The following ZNF366 variants were observed in gnomAD, a reference collection of about 807,000 sequenced individuals.
The protein encoded by ZNF366 is zinc finger protein 366, also known as dendritic cell-specific transcript protein.
In ZNF366, 20 loss-of-function variants were observed where a neutral mutation model predicts 47.2. The ratio of observed to expected loss-of-function variants is 0.42; its 90% confidence interval spans 0.30 to 0.62. The LOEUF (loss-of-function observed/expected upper bound fraction) is 0.62. Ranked by LOEUF, ZNF366 falls within the 20% of genes least tolerant of loss-of-function variation. ZNF366 has a pLI of 0.16. For synonymous variants in ZNF366, 421 were observed against 395.1 expected (o/e 1.07, Z -0.78); for missense variants, 987 against 976.3 (o/e 1.01, Z -0.15).
chr5:72,505,019 A>G (rs1199580659), intron 1 of ZNF366, among the ~76,000 whole-genome samples: 2 of 152,226 alleles, frequency 1.3e-5, no homozygotes, highest in Non-Finnish European at 2.9e-5. Flanking sequence ...ACATCCCAGC[A>G]CACAGATCTA....
intron 1 of ZNF366, among the ~76,000 whole-genome samples, chr5:72,481,742 A>G (rs983657048): frequency 6.6e-6 from 1 of 152,236 alleles, no homozygotes. Flanking sequence ...AATAAGAATA[A>G]GAAACAATTC....
chr5:72,471,072 T>A (rs1306831346), intron 1 of ZNF366, among the ~76,000 whole-genome samples: 2 of 152,322 alleles, frequency 1.3e-5, no homozygotes, highest in Admixed American at 1.3e-4. Context: ...GCAAATACAG[T>A]GTGTCCTGGG....
chr5:72,490,854 G>GT (rs1167414744), intron 1 of ZNF366, among the ~76,000 whole-genome samples: 1 of 152,202 alleles, frequency 6.6e-6, no homozygotes, highest in African/African-American at 2.4e-5. Flanking sequence ...GATAGTTGCT[G>GT]TAAGTAACAT....
chr5:72,450,059 TGCTGAA>T (rs1351926571), intron 3 of ZNF366, among the ~76,000 whole-genome samples: 1 of 152,220 alleles, frequency 6.6e-6, no homozygotes, highest in African/African-American at 2.4e-5. Context: ...TATCTGTGGT[TGCTGAA>T]GCCTTAGAAA....
Position 72,480,052 on chromosome 5 carries a change from A to T in ZNF366, c.-14-18542T>A, listed in dbSNP as rs554218048. On this transcript the variant is annotated intron_variant, in intron 1 of 4. Coordinates refer to ENST00000318442, the MANE Select transcript of ZNF366 (RefSeq NM_152625.3). ...GCATACACGGTCCAAGGCTCATCTA[A>T]GGCAGAATCATACATGAGAAAAATC... is the stretch of plus-strand genomic sequence containing the variant. Among the ~76,000 whole-genome samples, 7 of 152,378 alleles carry T rather than the reference A, an allele frequency of 4.6e-5. No individual in the cohort carries two copies. In the South Asian group the frequency reaches 1.4e-3, roughly 32 times the overall value.
At chr5:72,464,039 T>G (rs1207135105) in intron 1 of ZNF366, among the ~76,000 whole-genome samples, 2 of 152,156 alleles carry the variant, frequency 1.3e-5, no homozygotes, top group African/African-American at 2.4e-5. Context: ...AGACTACAAG[T>G]ACCTATGGCA....
intron 1 of ZNF366, among the ~76,000 whole-genome samples, chr5:72,465,213 T>G (rs1743405120): frequency 6.6e-6 from 1 of 152,206 alleles, no homozygotes; most frequent in East Asian, 1.9e-4. Flanking sequence ...GAACTAGATC[T>G]GATTTCCCCT....
intron 1 of ZNF366, among the ~76,000 whole-genome samples, chr5:72,483,781 G>C (rs1045244855): frequency 2.0e-5 from 3 of 152,164 alleles, no homozygotes; most frequent in Non-Finnish European, 4.4e-5. Flanking sequence ...TGATGGGAAT[G>C]ATGGGCCTGG....
At chr5:72,448,355 A>G (rs1448513986) in intron 3 of ZNF366, among the ~76,000 whole-genome samples, 2 of 152,178 alleles carry the variant, frequency 1.3e-5, no homozygotes, top group Non-Finnish European at 2.9e-5. Context: ...TGGTTCTCCA[A>G]CTGCTTTTGG....
chr5:72,445,267 T>G (rs6452473), intron 4 of ZNF366, among the ~76,000 whole-genome samples: 128,195 of 151,930 alleles, frequency 0.84, 54,281 homozygotes, highest in East Asian at 0.96. Context: ...TGACCTTTGA[T>G]GAGCCAATAG....
At chr5:72,498,219 T>C (rs560613939) in intron 1 of ZNF366, among the ~76,000 whole-genome samples, 2 of 152,330 alleles carry the variant, frequency 1.3e-5, no homozygotes, top group African/African-American at 2.4e-5. Flanking sequence ...ATTTTTAACA[T>C]TTTAAGTCTT....
At chr5:72,467,716 A>G (rs1248642169) in intron 1 of ZNF366, among the ~76,000 whole-genome samples, 1 of 152,212 alleles carries the variant, frequency 6.6e-6, no homozygotes, top group Non-Finnish European at 1.5e-5. Flanking sequence ...AGAGAAAATG[A>G]ACTCTTTATT....
intron 1 of ZNF366, among the ~76,000 whole-genome samples, chr5:72,476,752 C>A (rs547750339): frequency 6.6e-6 from 1 of 152,072 alleles, no homozygotes; most frequent in Non-Finnish European, 1.5e-5. Context: ...GAGCCCTGAG[C>A]GGAAGACTTC....
chr5:72,494,988 C>T (rs895484965), intron 1 of ZNF366, among the ~76,000 whole-genome samples: 2 of 152,024 alleles, frequency 1.3e-5, no homozygotes, highest in Non-Finnish European at 2.9e-5. Context: ...TTACGGCTTG[C>T]CTTCACATTT....
chr5:72,484,568 C>T (rs115517157), intron 1 of ZNF366, among the ~76,000 whole-genome samples: 1,653 of 151,942 alleles, frequency 0.011, 22 homozygotes, highest in Middle Eastern at 0.048. Context: ...AAAAATTCAA[C>T]TCTTTTGCTT....
At chr5:72,493,214 G>A (rs539125170) in intron 1 of ZNF366, among the ~76,000 whole-genome samples, 1 of 152,304 alleles carries the variant, frequency 6.6e-6, no homozygotes, top group South Asian at 2.1e-4. Context: ...ACAGTCTCAA[G>A]TATTCAGCAA....
chr5:72,496,094 AT>A (rs899444486), intron 1 of ZNF366, among the ~76,000 whole-genome samples: 5 of 151,326 alleles, frequency 3.3e-5, no homozygotes, highest in African/African-American at 1.2e-4. Flanking sequence ...AAGCTGCCTC[AT>A]TTTTTTTCAA....
In ZNF366 at chr5:72,460,141, G is replaced by T. The variant is rs766640874; in HGVS notation, c.1332+24C>A. 33 of 1,607,424 alleles carry T rather than the reference G, an allele frequency of 2.1e-5. No individual in the cohort carries two copies. The East Asian group carries it at 6.9e-4, about 34-fold the overall frequency. ...CGCTCCTCTTCCCAAGGCCCCGTCC[G>T]CCCCACCAGAGGCCCCGCAGTACCT... On this transcript the variant is annotated intron_variant, in intron 2 of 4. Coordinates refer to ENST00000318442, the MANE Select transcript of ZNF366 (RefSeq NM_152625.3).
chr5:72,491,524 G>C (rs1192165816), intron 1 of ZNF366, among the ~76,000 whole-genome samples: 1 of 152,174 alleles, frequency 6.6e-6, no homozygotes, highest in Non-Finnish European at 1.5e-5. Context: ...TAGAACTGTG[G>C]CAAGTTACTT....
Sources: gnomAD v4.1 joint callset for allele counts (sites outside exome capture counted in the v4.1 genomes callset) on GRCh38, gnomAD v4.1.1 for gene constraint, MANE v1.5 for transcripts, NCBI Gene and HGNC (gene_info 2026-07-23, HGNC 2026-07-21) for gene names.